ALDH1A2: variants seen among roughly 807,000 people sequenced by gnomAD.
The protein encoded by ALDH1A2 is retinal dehydrogenase 2.
A neutral mutation model predicts 60.3 loss-of-function variants in ALDH1A2; 27 were observed. The observed-to-expected ratio is 0.45, with a 90% CI of 0.33 to 0.62. The LOEUF is 0.62. Among genes scored for constraint, ALDH1A2 ranks in the 20% least tolerant of loss-of-function variants. The pLI, the probability that ALDH1A2 is intolerant of heterozygous loss-of-function variation, is 0.02. For missense variants in ALDH1A2, 581 were observed against 643.8 expected, an observed-to-expected ratio of 0.90 and a Z score of 1.06; for synonymous variants, 289 against 232.4, an observed-to-expected ratio of 1.24 and a Z score of -2.21.
At chr15:57,961,566 A>G (rs891780324) in intron 10 of ALDH1A2, among the ~76,000 whole-genome samples, 16 of 152,260 alleles carry the variant, frequency 1.1e-4, no homozygotes, top group Admixed American at 6.5e-4. Context: ...CAGAAGAGCA[A>G]GTGGCATCCT....
At chr15:57,972,974 T>C (rs1365861454) in intron 7 of ALDH1A2, among the ~76,000 whole-genome samples, 3 of 152,140 alleles carry the variant, frequency 2.0e-5, no homozygotes, top group African/African-American at 7.2e-5. Context: ...TCATGCAACA[T>C]GACATTTATC....
intron 7 of ALDH1A2, among the ~76,000 whole-genome samples, chr15:57,978,826 CAGG>C (rs1235536696): frequency 3.3e-5 from 5 of 152,122 alleles, no homozygotes; most frequent in African/African-American, 1.2e-4. Context: ...TACCTGAGGC[CAGG>C]AGTTTGAGAC....
intron 7 of ALDH1A2, among the ~76,000 whole-genome samples, chr15:57,989,106 G>A (rs145857187): frequency 1.0e-3 from 153 of 152,270 alleles, no homozygotes; most frequent in African/African-American, 3.4e-3. Context: ...CCGAGATCAC[G>A]CCATTGCGCT....
At chr15:57,975,988 A>C (rs1233786225) in intron 7 of ALDH1A2, among the ~76,000 whole-genome samples, 2 of 152,248 alleles carry the variant, frequency 1.3e-5, no homozygotes, top group Non-Finnish European at 2.9e-5. Flanking sequence ...TCTATTGTAT[A>C]TCAATTATAC....
At chr15:57,981,301 C>CACACAG (rs1279474521) in intron 7 of ALDH1A2, among the ~76,000 whole-genome samples, 1 of 149,132 alleles carries the variant, frequency 6.7e-6, no homozygotes, top group Non-Finnish European at 1.5e-5. Flanking sequence ...CACACACACA[C>CACACAG]ACACACACAC....
intron 1 of ALDH1A2, among the ~76,000 whole-genome samples, chr15:58,045,583 T>A (rs546567831): frequency 2.0e-5 from 3 of 152,132 alleles, no homozygotes; most frequent in Non-Finnish European, 2.9e-5. Context: ...GATGAGTTCA[T>A]GTCCTTTGCA....
In ALDH1A2 at chr15:57,955,284, TG is replaced by T. The variant is rs777138298; in HGVS notation, c.1485-16del. The T allele has an allele frequency of 1.2e-6, 2 of 1,613,878 alleles. No individual in the cohort carries two copies. The highest frequency in any genetic ancestry group is 3.3e-5 in the Admixed American group (2 of 59,992). On this transcript the variant is annotated splice_polypyrimidine_tract_variant and intron_variant, in intron 12 of 12. Transcript: ENST00000249750. ...CAAATTCTCCCCTGAAACACAGAAA[TG>T]GGCCGGGTCAGATACCAGAAGTCCA...
chr15:58,051,086 A>AT (rs1398039718), intron 1 of ALDH1A2, among the ~76,000 whole-genome samples: 4 of 152,082 alleles, frequency 2.6e-5, no homozygotes, highest in Non-Finnish European at 4.4e-5. Flanking sequence ...GAATTATTGA[A>AT]TTTTTTTCTG....
At chr15:57,981,783 C>T (rs1167494141) in intron 7 of ALDH1A2, among the ~76,000 whole-genome samples, 1 of 152,176 alleles carries the variant, frequency 6.6e-6, no homozygotes, top group African/African-American at 2.4e-5. Context: ...TATTTACTGA[C>T]ACTTTACTAA....
intron 8 of ALDH1A2, among the ~76,000 whole-genome samples, chr15:57,965,013 G>GA (rs4646621): frequency 0.012 from 1,740 of 143,696 alleles, 33 homozygotes; most frequent in African/African-American, 0.041. Flanking sequence ...CAAGTGGAGG[G>GA]AAAAAAAAAA....
chr15:58,014,648 C>G (rs1595667973), intron 1 of ALDH1A2: 1 of 417,070 alleles, frequency 2.4e-6, no homozygotes, highest in Admixed American at 2.8e-5. Context: ...ATCAAACTTA[C>G]AGTCATCAAG....
Position 57,953,997 on chromosome 15 carries a change from A to G in ALDH1A2, c.*1200T>C, listed in dbSNP as rs1893432714. 4 of 152,606 alleles carry G rather than the reference A, an allele frequency of 2.6e-5. No individual in the cohort carries two copies. In the South Asian group the frequency reaches 8.3e-4, roughly 32 times the overall value. The allele number at this position is 152,606 out of a possible 1,614,324, so 9.5% of individuals were successfully genotyped here. A position where few individuals can be genotyped will look rare whatever the true frequency, so the allele number is the denominator to read the frequency against. ...AGGCGGGCCTGCTTTACTCCCTGCA[A>G]GCTGTAGGCCATGGCCTGCCCAGTG... On this transcript the variant is annotated 3_prime_UTR_variant, in exon 13 of 13. Transcript: ENST00000249750.
At chr15:58,057,527 A>T (rs1896925631) in intron 1 of ALDH1A2, among the ~76,000 whole-genome samples, 1 of 152,188 alleles carries the variant, frequency 6.6e-6, no homozygotes, top group Non-Finnish European at 1.5e-5. Flanking sequence ...TAACAAATCT[A>T]GGTACAGGTA....
In ALDH1A2 at chr15:58,016,096, C is replaced by T. The variant is rs554627426; in HGVS notation, c.118-1815G>A. 5.3e-5 allele frequency among the ~76,000 whole-genome samples: 8 copies of T among 150,464 alleles called. No homozygotes were observed. In the East Asian group the frequency reaches 1.6e-3, roughly 29 times the overall value. On this transcript the variant is annotated intron_variant, in intron 1 of 12. Transcript: ENST00000249750. ...TTATTCACCATGTGACTGAATCAAA[C>T]TTTTTAACCTTTGCAGTATCACCAA...
At position 57,995,236 on chromosome 15, in the gene ALDH1A2, A is replaced by AG. The variant is rs1895016578; in HGVS notation, c.494-98_494-97insC. On this transcript the variant is annotated intron_variant, in intron 4 of 12. Coordinates refer to ENST00000249750, the MANE Select transcript of ALDH1A2 (RefSeq NM_003888.4). ...TGGCTGCAAAAAAAAAAAAAAAAAA[A>AG]CAAACAGAAATAAACTTGAAAAAAC... 7.7e-6 allele frequency: 5 copies of AG among 647,228 alleles called. 1 individual carries two copies. Among genetic ancestry groups the AG allele is most frequent in the Non-Finnish European group, 1.3e-5 (5 of 390,526 alleles). The allele number at this position is 647,228 out of a possible 1,614,324, so 40.1% of individuals were successfully genotyped here.
chr15:58,012,289 A>C (rs1239973983), intron 3 of ALDH1A2: 1 of 152,224 alleles, frequency 6.6e-6, no homozygotes, highest in African/African-American at 2.4e-5. Flanking sequence ...AGCTCAATTA[A>C]ACAGTCATTT....
chr15:57,981,073 C>T (rs1281625445), intron 7 of ALDH1A2, among the ~76,000 whole-genome samples: 1 of 152,062 alleles, frequency 6.6e-6, no homozygotes, highest in South Asian at 2.1e-4. Context: ...ACCCCTTTAT[C>T]GTTTCTTATT....
At chr15:57,984,350 T>A (rs1016592808) in intron 7 of ALDH1A2, among the ~76,000 whole-genome samples, 16 of 152,220 alleles carry the variant, frequency 1.1e-4, no homozygotes, top group African/African-American at 3.9e-4. Flanking sequence ...CTTTGTAAAA[T>A]TAATTGATTT....
At chr15:57,980,329 G>T in intron 7 of ALDH1A2, 1 of 431,694 alleles carries the variant, frequency 2.3e-6, no homozygotes, top group South Asian at 2.0e-5. Context: ...TGTTGGCCTT[G>T]AACAGGTCCA....
Sources: gnomAD v4.1 joint callset for allele counts (sites outside exome capture counted in the v4.1 genomes callset) on GRCh38, gnomAD v4.1.1 for gene constraint, MANE v1.5 for transcripts, NCBI Gene and HGNC (gene_info 2026-07-23, HGNC 2026-07-21) for gene names.